Variants in NRXN1 observed in about 807,000 individuals in gnomAD.
The protein encoded by NRXN1 is neurexin-1.
Under a neutral mutation model 150.9 loss-of-function variants are expected in NRXN1, and 39 were observed. The observed-to-expected ratio is 0.26, with a 90% CI of 0.20 to 0.34. NRXN1 has a LOEUF of 0.34. Among genes scored for constraint, NRXN1 ranks in the 10% least tolerant of loss-of-function variants. The pLI, the probability that NRXN1 is intolerant of heterozygous loss-of-function variation, is 1.00. For missense variants in NRXN1, 1,815 were observed against 1,949.9 expected, an observed-to-expected ratio of 0.93 and a Z score of 1.30; for synonymous variants, 924 against 757.0, an observed-to-expected ratio of 1.22 and a Z score of -3.62.
intron 2 of NRXN1, among the ~76,000 whole-genome samples, chr2:50,981,095 T>C (rs980473496): frequency 1.3e-5 from 2 of 152,040 alleles, no homozygotes; most frequent in Non-Finnish European, 2.9e-5. Flanking sequence ...AGCCCTTCTG[T>C]TGAGGCAGGA....
At chr2:50,815,009 A>G (rs1668724935) in intron 5 of NRXN1, among the ~76,000 whole-genome samples, 1 of 152,284 alleles carries the variant, frequency 6.6e-6, no homozygotes, top group Non-Finnish European at 1.5e-5. Flanking sequence ...ATAGAATCAG[A>G]AAATGTATAA....
chr2:50,476,012 A>G (rs1222937922), intron 15 of NRXN1, among the ~76,000 whole-genome samples: 1 of 152,088 alleles, frequency 6.6e-6, no homozygotes, highest in Non-Finnish European at 1.5e-5. Flanking sequence ...TTTCCTGTAG[A>G]TATGAAGCTA....
intron 18 of NRXN1, among the ~76,000 whole-genome samples, chr2:50,099,140 G>A (rs1700675234): frequency 6.6e-6 from 1 of 151,726 alleles, no homozygotes; most frequent in Non-Finnish European, 1.5e-5. Flanking sequence ...TCATCTCTTG[G>A]TCCTAAGAAT....
At chr2:50,032,258 A>G (rs934306247) in intron 21 of NRXN1, among the ~76,000 whole-genome samples, 15 of 152,180 alleles carry the variant, frequency 9.9e-5, no homozygotes, top group South Asian at 2.1e-4. Flanking sequence ...TTCCCTACAT[A>G]AACTAGAACA....
chr2:50,513,153 A>G (rs2092517338), intron 12 of NRXN1, among the ~76,000 whole-genome samples: 1 of 152,186 alleles, frequency 6.6e-6, no homozygotes, highest in Non-Finnish European at 1.5e-5. Context: ...GGATATAACA[A>G]ATCTAATGTG....
Position 49,990,744 on chromosome 2 carries a change from A to G in NRXN1, c.4129-46953T>C, listed in dbSNP as rs139699872. On this transcript the variant is annotated intron_variant, in intron 21 of 22. Coordinates refer to ENST00000401669, the MANE Select transcript of NRXN1 (RefSeq NM_001330078.2). ...AATGTCAGTGATAATCTTATTCATC[A>G]TGTTATTCCTAATACCTGATTCACA... Among the ~76,000 whole-genome samples the G allele has an allele frequency of 1.7e-3, 254 of 152,326 alleles. 9 individuals are homozygous for G. In the South Asian group the frequency reaches 0.04, roughly 24 times the overall value.
chr2:50,822,277 A>C (rs565581501), intron 5 of NRXN1, among the ~76,000 whole-genome samples: 28 of 152,282 alleles, frequency 1.8e-4, no homozygotes, highest in African/African-American at 6.7e-4. Context: ...CATTTCTCTC[A>C]GTATCTAAAA....
At chr2:50,921,140 G>C (rs915426526) in intron 5 of NRXN1, among the ~76,000 whole-genome samples, 1 of 151,706 alleles carries the variant, frequency 6.6e-6, no homozygotes, top group African/African-American at 2.4e-5. Context: ...CTATATGTTT[G>C]CCACAGCTGC....
Position 50,405,187 on chromosome 2 carries a change from T to C in NRXN1, c.3364+60255A>G, listed in dbSNP as rs572307641. Among the ~76,000 whole-genome samples the C allele has an allele frequency of 2.0e-5, 3 of 152,280 alleles. No individual in the cohort carries two copies. In the South Asian group the frequency reaches 6.2e-4, roughly 32 times the overall value. ...ATGTTTCTCATGCTTTCATTTAAAG[T>C]AAGATCTTGAGGATCTTTCCACTTG... On this transcript the variant is annotated intron_variant, in intron 17 of 22. Coordinates refer to ENST00000401669, the MANE Select transcript of NRXN1 (RefSeq NM_001330078.2).
At chr2:49,966,609 G>C (rs1335376953) in intron 21 of NRXN1, 2 of 151,108 alleles carry the variant, frequency 1.3e-5, no homozygotes, top group Non-Finnish European at 2.9e-5. Context: ...AAGAAAATCA[G>C]GTATCAGATG....
chr2:50,521,980 G>A (rs964424679), intron 12 of NRXN1, among the ~76,000 whole-genome samples: 17 of 151,948 alleles, frequency 1.1e-4, no homozygotes, highest in African/African-American at 4.1e-4. Flanking sequence ...TAGAAAAGTC[G>A]AATATACAAC....
intron 18 of NRXN1, among the ~76,000 whole-genome samples, chr2:50,169,018 C>G (rs1574290191): frequency 6.6e-6 from 1 of 152,176 alleles, no homozygotes; most frequent in Non-Finnish European, 1.5e-5. Context: ...ACACGGAATG[C>G]TCATTAGAAG....
At chr2:50,246,849 T>C (rs1040255165) in intron 17 of NRXN1, among the ~76,000 whole-genome samples, 6 of 152,116 alleles carry the variant, frequency 3.9e-5, no homozygotes, top group Non-Finnish European at 4.4e-5. Flanking sequence ...GAGAATTGTC[T>C]TTTATTGAAA....
At chr2:50,495,531 T>G (rs1183341752) in intron 15 of NRXN1, among the ~76,000 whole-genome samples, 1 of 151,916 alleles carries the variant, frequency 6.6e-6, no homozygotes, top group Non-Finnish European at 1.5e-5. Flanking sequence ...GAAAGAAAAC[T>G]AATAAGCTCT....
chr2:50,066,315 G>T (rs1441266202), intron 19 of NRXN1, among the ~76,000 whole-genome samples: 1 of 152,066 alleles, frequency 6.6e-6, no homozygotes, highest in Non-Finnish European at 1.5e-5. Flanking sequence ...GACAAATGAG[G>T]AAAGTTAAAA....
At chr2:50,520,623 C>T (rs1311111530) in intron 12 of NRXN1, among the ~76,000 whole-genome samples, 2 of 151,942 alleles carry the variant, frequency 1.3e-5, no homozygotes, top group Admixed American at 1.3e-4. Flanking sequence ...ATTACTTCTT[C>T]ACTGCCTATT....
chr2:50,028,574 C>T (rs1423559575), intron 21 of NRXN1, among the ~76,000 whole-genome samples: 1 of 152,184 alleles, frequency 6.6e-6, no homozygotes, highest in East Asian at 1.9e-4. Context: ...TGCTGCTACA[C>T]ATCATCTGGA....
intron 17 of NRXN1, among the ~76,000 whole-genome samples, chr2:50,419,081 A>G (rs2083771521): frequency 6.6e-6 from 1 of 152,100 alleles, no homozygotes; most frequent in Non-Finnish European, 1.5e-5. Flanking sequence ...CAAAATTGTC[A>G]TCAAATGAAT....
intron 11 of NRXN1, among the ~76,000 whole-genome samples, chr2:50,529,735 T>G (rs1433700545): frequency 6.6e-6 from 1 of 152,222 alleles, no homozygotes; most frequent in Non-Finnish European, 1.5e-5. Flanking sequence ...GTTTCCACTT[T>G]GACTAACAGC....
Sources: gnomAD v4.1 joint callset for allele counts (sites outside exome capture counted in the v4.1 genomes callset) on GRCh38, gnomAD v4.1.1 for gene constraint, MANE v1.5 for transcripts, NCBI Gene and HGNC (gene_info 2026-07-23, HGNC 2026-07-21) for gene names.